PLA2G2C: variants seen among roughly 807,000 people sequenced by gnomAD.
The protein encoded by PLA2G2C is phospholipase A2 group IIC.
Under a neutral mutation model 14.3 loss-of-function variants are expected in PLA2G2C, and 15 were observed. The observed-to-expected ratio is 1.05, with a 90% CI of 0.70 to 1.62. The LOEUF is 1.62. Among genes scored for constraint, PLA2G2C ranks in the 40% most tolerant of loss-of-function variants. The pLI, the probability that PLA2G2C is intolerant of heterozygous loss-of-function variation, is 0.00. For synonymous variants in PLA2G2C, 79 were observed against 67.7 expected (o/e 1.17, Z -0.82); for missense variants, 162 against 173.2 (o/e 0.94, Z 0.36).
At chr1:20,178,138 T>C (rs144665043) in intron 1 of PLA2G2C, among the ~76,000 whole-genome samples, 1 of 152,326 alleles carries the variant, frequency 6.6e-6, no homozygotes, top group East Asian at 1.9e-4. Context: ...AATGCAGTCA[T>C]AGGTAGACAC....
chr1:20,185,049 G>A (rs2018343418), intron 1 of PLA2G2C, among the ~76,000 whole-genome samples: 2 of 152,146 alleles, frequency 1.3e-5, no homozygotes, highest in Admixed American at 1.3e-4. Context: ...AGCTACAAGG[G>A]AGGCTGAGCT....
At chr1:20,168,122 C>T (rs2018007540) in intron 4 of PLA2G2C, among the ~76,000 whole-genome samples, 2 of 152,196 alleles carry the variant, frequency 1.3e-5, no homozygotes, top group African/African-American at 4.8e-5. Context: ...CAGCAGCTGA[C>T]CCCTTGGAGA....
At chr1:20,185,640 C>G (rs1450055026) in intron 1 of PLA2G2C, among the ~76,000 whole-genome samples, 6 of 152,164 alleles carry the variant, frequency 3.9e-5, no homozygotes, top group Non-Finnish European at 8.8e-5. Context: ...AGGATGGGGG[C>G]CCTGCTCCCC....
At position 20,172,791 on chromosome 1, in the gene PLA2G2C, C is replaced by T. The variant is rs767027682; in HGVS notation, c.283+3G>A. On this transcript the variant is annotated splice_donor_region_variant and intron_variant, in intron 4 of 4. Transcript: ENST00000679259. Reference sequence around the variant, plus strand: ...ACATTTCCATACAGAAAAGGCTACTCACAAACCACTGCGCCATTGACGATG... The same window carrying T: ...ACATTTCCATACAGAAAAGGCTACTTACAAACCACTGCGCCATTGACGATG... 16 of 1,612,120 alleles carry T rather than the reference C, an allele frequency of 9.9e-6. No homozygotes were observed. The East Asian group carries it at 3.3e-4, about 34-fold the overall frequency.
chr1:20,182,416 AC>A (rs2018290434), intron 1 of PLA2G2C, among the ~76,000 whole-genome samples: 2 of 152,258 alleles, frequency 1.3e-5, no homozygotes, highest in Admixed American at 1.3e-4. Context: ...AACATGCTGT[AC>A]AGGTTTGTGG....
rs1404987028 is a variant in PLA2G2C, at chr1:20,177,429, C to T, written c.-66G>A. 1.6e-6 allele frequency: 1 copy of T among 613,274 alleles called. No individual in the cohort carries two copies. Among genetic ancestry groups the T allele is most frequent in the African/African-American group, 1.9e-5 (1 of 53,484 alleles). 38.0% of individuals were successfully genotyped at this position (613,274 alleles called of 1,614,324 possible). ...CTTCACCTGTGTGTGAGGGGTCTCCCAGCTGAACCTCTGTTCCAGGACAAA... is the reference window on the plus strand; with the variant it reads ...CTTCACCTGTGTGTGAGGGGTCTCCTAGCTGAACCTCTGTTCCAGGACAAA... On this transcript the variant is annotated 5_prime_UTR_variant, in exon 2 of 5. Transcript: ENST00000679259.
intron 1 of PLA2G2C, 25 bp from the exon 2 acceptor site, chr1:20,177,464 A>G: frequency 1.7e-6 from 1 of 592,360 alleles, no homozygotes; most frequent in Non-Finnish European, 3.0e-6. Flanking sequence ...AATGACCAAA[A>G]TGAGGCAAGG....
intron 1 of PLA2G2C, among the ~76,000 whole-genome samples, chr1:20,178,988 C>T (rs887149600): frequency 1.3e-5 from 2 of 152,264 alleles, no homozygotes; most frequent in Admixed American, 1.3e-4. Context: ...CTGTCCCTCA[C>T]TGAGAACCAC....
At chr1:20,171,886 C>T (rs567309302) in intron 4 of PLA2G2C, among the ~76,000 whole-genome samples, 171 of 150,992 alleles carry the variant, frequency 1.1e-3, no homozygotes, top group Admixed American at 3.6e-3. Flanking sequence ...CTCAGCCTCC[C>T]GAGTAGCTGG....
chr1:20,176,781 G>A (rs1449159005), intron 2 of PLA2G2C, among the ~76,000 whole-genome samples: 4 of 152,202 alleles, frequency 2.6e-5, no homozygotes, highest in Non-Finnish European at 4.4e-5. Flanking sequence ...TCCACTCAAC[G>A]AATCCAGCAA....
intron 2 of PLA2G2C, among the ~76,000 whole-genome samples, chr1:20,176,563 T>C (rs2018187566): frequency 6.6e-6 from 1 of 152,244 alleles, no homozygotes; most frequent in African/African-American, 2.4e-5. Flanking sequence ...CGGTCACTGC[T>C]GCCCAAGCAG....
intron 3 of PLA2G2C, 47 bp from the exon 4 acceptor site, chr1:20,172,944 A>C: frequency 6.9e-7 from 1 of 1,459,328 alleles, no homozygotes. Context: ...TTATCTGGGG[A>C]CTAGAAAGGG....
chr1:20,183,318 AGAG>A (rs2018304878), intron 1 of PLA2G2C, among the ~76,000 whole-genome samples: 1 of 152,236 alleles, frequency 6.6e-6, no homozygotes, highest in Admixed American at 6.5e-5. Context: ...CTTTGACGTC[AGAG>A]GCCATGCCTG....
chr1:20,175,348 G>A (rs2018165762), intron 2 of PLA2G2C, among the ~76,000 whole-genome samples: 1 of 152,172 alleles, frequency 6.6e-6, no homozygotes, highest in African/African-American at 2.4e-5. Context: ...AACACAGCTA[G>A]TTTTTTGCTA....
intron 4 of PLA2G2C, among the ~76,000 whole-genome samples, chr1:20,166,110 G>A (rs932975430): frequency 6.6e-6 from 1 of 152,194 alleles, no homozygotes; most frequent in Non-Finnish European, 1.5e-5. Context: ...TGCCCTGTGG[G>A]CGCTTGCTGC....
intron 4 of PLA2G2C, among the ~76,000 whole-genome samples, chr1:20,168,575 C>G (rs899890623): frequency 1.1e-4 from 16 of 152,174 alleles, no homozygotes; most frequent in Admixed American, 6.5e-4. Context: ...CGAGTGGAGG[C>G]TGAGATGAGG....
chr1:20,175,299 C>A, intron 2 of PLA2G2C, 154 bp from the exon 3 acceptor site: 1 of 1,092,364 alleles, frequency 9.2e-7, no homozygotes, highest in Admixed American at 2.3e-5. Flanking sequence ...TCACCAGCCT[C>A]TTTCCTGGGG....
Position 20,172,886 on chromosome 1 carries a change from G to A in PLA2G2C, c.191C>T (p.Ser64Leu). Residue 64 changes from serine to leucine, a missense_variant, in exon 4 of 5, where the codon TCA becomes TTA. By Grantham distance (145) the Ser-to-Leu change is moderately radical (BLOSUM62 -2). Coordinates refer to ENST00000679259, the MANE Select transcript of PLA2G2C (RefSeq NM_001367969.2). ...PVDDTDRHSP[S>L]SPSPYEKLKE... Reference sequence around the variant, plus strand: ...CAGCTTCTCGTAGGGAGAGGGAGATGAGGGGCTGTGCCTGGAAGTGGGTCC... The same window carrying A: ...CAGCTTCTCGTAGGGAGAGGGAGATAAGGGGCTGTGCCTGGAAGTGGGTCC... 2.5e-6 allele frequency: 4 copies of A among 1,613,722 alleles called. No homozygotes were observed. Among genetic ancestry groups the A allele is most frequent in the Non-Finnish European group, 3.4e-6 (4 of 1,179,762 alleles).
intron 1 of PLA2G2C, among the ~76,000 whole-genome samples, chr1:20,185,392 A>C (rs2018353204): frequency 6.6e-6 from 1 of 152,174 alleles, no homozygotes; most frequent in Admixed American, 6.5e-5. Context: ...ATGGGCCAGG[A>C]TAGGGAAGAA....
Sources: gnomAD v4.1 joint callset for allele counts (sites outside exome capture counted in the v4.1 genomes callset) on GRCh38, gnomAD v4.1.1 for gene constraint, MANE v1.5 for transcripts, NCBI Gene and HGNC (gene_info 2026-07-23, HGNC 2026-07-21) for gene names.